The following ICOS variants were observed in gnomAD, a reference collection of about 807,000 sequenced individuals.
ICOS encodes inducible T cell costimulator.
A neutral mutation model predicts 24.6 loss-of-function variants in ICOS; 15 were observed. The ratio of observed to expected loss-of-function variants is 0.61; its 90% CI spans 0.41 to 0.94. The LOEUF is 0.94. ICOS is among the 40% of genes least tolerant of loss of function. ICOS has a pLI of 0.00. For synonymous variants in ICOS, 89 were observed against 77.5 expected (o/e 1.15, Z -0.78); for missense variants, 200 against 233.0 (o/e 0.86, Z 0.92).
At chr2:203,954,693 GGA>G (rs150458411) in intron 1 of ICOS, among the ~76,000 whole-genome samples, 18,726 of 151,916 alleles carry the variant, frequency 0.12, 1,273 homozygotes, top group South Asian at 0.23. Context: ...GATGAGGTTT[GGA>G]GAAAATACAT....
At chr2:203,956,839 A>C (rs767264076) in intron 3 of ICOS, 74 bp downstream of exon 3, 3 of 1,000,662 alleles carry the variant, frequency 3.0e-6, no homozygotes, top group Admixed American at 3.6e-5. Flanking sequence ...TCAAAAGTAC[A>C]CATGGCTCTT....
Position 203,955,905 on chromosome 2 carries a change from A to C in ICOS, c.328A>C (p.Asn110His). 1 of 1,613,406 alleles carries C rather than the reference A, an allele frequency of 6.2e-7. No individual in the cohort carries two copies. The highest frequency in any genetic ancestry group is 8.5e-7 in the Non-Finnish European group (1 of 1,179,494). Residue 110 changes from asparagine (N) to histidine (H), a missense_variant, in exon 2 of 5, where the codon AAC becomes CAC. Transcript: ENST00000316386. The part of the protein sequence containing the change: ...DHSHANYYFC[N>H]LSIFDPPPFK... Reference sequence around the variant, plus strand: ...TTCTCATGCCAACTATTACTTCTGCAACCTATCAATTTTTGATCCTCCTCC... The same window carrying C: ...TTCTCATGCCAACTATTACTTCTGCCACCTATCAATTTTTGATCCTCCTCC...
intron 3 of ICOS, 134 bp downstream of exon 3, chr2:203,956,899 A>G: frequency 1.5e-6 from 1 of 680,814 alleles, no homozygotes; most frequent in Non-Finnish European, 2.7e-6. Context: ...CCCAAGACAT[A>G]CCTACTAATT....
intron 1 of ICOS, among the ~76,000 whole-genome samples, chr2:203,951,349 G>A (rs1006541244): frequency 6.6e-6 from 1 of 152,224 alleles, no homozygotes; most frequent in African/African-American, 2.4e-5. Flanking sequence ...GTTGTTTGCA[G>A]TCTTATCTGG....
At chr2:203,939,480 T>A (rs897928197) in intron 1 of ICOS, among the ~76,000 whole-genome samples, 1 of 152,186 alleles carries the variant, frequency 6.6e-6, no homozygotes, top group African/African-American at 2.4e-5. Flanking sequence ...GTAGACCTTA[T>A]AGGCAACAGG....
intron 4 of ICOS, 35 bp downstream of exon 4, chr2:203,957,918 G>C (rs371397052): frequency 1.5e-5 from 20 of 1,342,462 alleles, no homozygotes; most frequent in Non-Finnish European, 1.9e-5. Flanking sequence ...GAAGGGAAGA[G>C]GTTTCTTCAC....
At chr2:203,936,926 G>A (rs1049512371) in intron 1 of ICOS, 54 bp downstream of exon 1, 3 of 1,378,278 alleles carry the variant, frequency 2.2e-6, no homozygotes, top group African/African-American at 2.8e-5. Context: ...TAAACATTAA[G>A]AAAAAGCAAA....
chr2:203,955,754 G>T lies in ICOS; in HGVS notation c.177G>T (p.Gly59=). ...QQFKMQLLKG[G]QILCDLTKTK... ...TTAAAATGCAGTTGCTGAAAGGGGG[G>T]CAAATACTCTGCGATCTCACTAAGA... Residue 59 remains glycine (G), a synonymous_variant, in exon 2 of 5, where the codon GGG becomes GGT. Transcript: ENST00000316386. 6.2e-7 allele frequency: 1 copy of T among 1,613,700 alleles called. No homozygotes were observed.
chr2:203,959,697 T>C lies in ICOS; in HGVS notation c.*98T>C, dbSNP rs1690143834. On this transcript the variant is annotated 3_prime_UTR_variant, in exon 5 of 5. Coordinates refer to ENST00000316386, the MANE Select transcript of ICOS (RefSeq NM_012092.4). ...TTTCCGGGACCACGGAGAGTCTGACTTAACTACATACATCTTCTGCTGGTG... is the reference window on the plus strand; with the variant it reads ...TTTCCGGGACCACGGAGAGTCTGACCTAACTACATACATCTTCTGCTGGTG... 1.9e-6 allele frequency: 2 copies of C among 1,057,202 alleles called. No individual in the cohort carries two copies. The highest frequency in any genetic ancestry group is 4.7e-5 in the East Asian group (2 of 42,324). The allele number at this position is 1,057,202 out of a possible 1,614,324, so 65.5% of individuals were successfully genotyped here. A position where few individuals can be genotyped will look rare whatever the true frequency, so the allele number is the denominator to read the frequency against.
intron 4 of ICOS, 65 bp downstream of exon 4, chr2:203,957,948 T>A (rs371917442): frequency 2.5e-6 from 1 of 407,134 alleles, no homozygotes; most frequent in Admixed American, 4.5e-5. Flanking sequence ...GGAATGTTAA[T>A]TTTTTTTTTT....
chr2:203,954,672 A>G (rs1031509132), intron 1 of ICOS, among the ~76,000 whole-genome samples: 7 of 151,382 alleles, frequency 4.6e-5, no homozygotes, highest in Non-Finnish European at 8.9e-5. Flanking sequence ...GCCTTGATTC[A>G]GTTCTCAGTG....
intron 3 of ICOS, among the ~76,000 whole-genome samples, chr2:203,956,976 G>C (rs560722306): frequency 6.6e-6 from 1 of 152,182 alleles, no homozygotes; most frequent in African/African-American, 2.4e-5. Context: ...AAGAGGACTT[G>C]ACTTGATGGC....
chr2:203,957,946 A>AT (rs1690105978), intron 4 of ICOS, 63 bp downstream of exon 4: 5 of 1,010,410 alleles, frequency 4.9e-6, no homozygotes, highest in African/African-American at 1.7e-5. Flanking sequence ...CTGGAATGTT[A>AT]ATTTTTTTTT....
At chr2:203,948,537 C>T (rs539388443) in intron 1 of ICOS, among the ~76,000 whole-genome samples, 83 of 152,292 alleles carry the variant, frequency 5.5e-4, no homozygotes, top group Non-Finnish European at 1.1e-3. Flanking sequence ...ATACTGATTG[C>T]AGCTTACAAC....
chr2:203,959,153 G>A (rs1231746616), intron 4 of ICOS, among the ~76,000 whole-genome samples: 3 of 152,186 alleles, frequency 2.0e-5, no homozygotes, highest in African/African-American at 7.2e-5. Flanking sequence ...TGCCTGCGGA[G>A]GGCATTAGCT....
rs1022511401 is a variant in ICOS at position 203,957,743 on chromosome 2, A to G, written c.502-56A>G. 2.3e-6 allele frequency: 3 copies of G among 1,314,054 alleles called. No homozygotes were observed. In the Admixed American group the frequency reaches 5.0e-5, roughly 22 times the overall value. 81.4% of individuals were successfully genotyped at this position (1,314,054 alleles called of 1,614,324 possible). A position where few individuals can be genotyped will look rare whatever the true frequency, so the allele number is the denominator to read the frequency against. On this transcript the variant is annotated intron_variant, in intron 3 of 4. Transcript: ENST00000316386. ...AACAAAGAATAGAAAACAGTCAAAA[A>G]ACAAAGAGATGGAGAAGAAAAGATG...
At chr2:203,957,031 G>A (rs770622726) in intron 3 of ICOS, among the ~76,000 whole-genome samples, 1 of 152,168 alleles carries the variant, frequency 6.6e-6, no homozygotes, top group East Asian at 1.9e-4. Context: ...AACTAGATGA[G>A]GAAATTGAGG....
At chr2:203,954,438 A>G (rs1232831190) in intron 1 of ICOS, among the ~76,000 whole-genome samples, 1 of 151,990 alleles carries the variant, frequency 6.6e-6, no homozygotes, top group Non-Finnish European at 1.5e-5. Flanking sequence ...TCTTTTTCAA[A>G]GTTAGCCAGA....
rs879447763 is a variant in ICOS, at chr2:203,959,620, G to A, written c.*21G>A. The stretch of plus-strand genomic sequence containing the variant: ...TATAATATGGAACTCTGGCACCCAG[G>A]CATGAAGCACGTTGGCCAGTTTTCC... On this transcript the variant is annotated 3_prime_UTR_variant, in exon 5 of 5. Coordinates refer to ENST00000316386, the MANE Select transcript of ICOS (RefSeq NM_012092.4). 3 of 1,612,050 alleles carry A rather than the reference G, an allele frequency of 1.9e-6. No homozygotes were observed. The highest frequency in any genetic ancestry group is 2.2e-5 in the East Asian group (1 of 44,866).
Sources: allele counts gnomAD v4.1 joint callset (sites outside exome capture counted in the v4.1 genomes callset), GRCh38; gene constraint gnomAD v4.1.1; transcripts MANE v1.5; gene names NCBI Gene and HGNC (gene_info 2026-07-23, HGNC 2026-07-21).